BICRAL: variants seen among roughly 807,000 people sequenced by gnomAD.
BICRAL encodes the protein BICRA like chromatin remodeling complex associated protein.
A neutral mutation model predicts 91.8 loss-of-function variants in BICRAL; 8 were observed. That is an observed-to-expected ratio of 0.09 (90% CI 0.05 to 0.16). The LOEUF (loss-of-function observed/expected upper bound fraction) is 0.16. Among genes scored for constraint, BICRAL ranks in the 10% least tolerant of loss-of-function variants. The pLI is 1.00. For synonymous variants in BICRAL, 445 were observed against 491.1 expected (o/e 0.91, Z 1.24); for missense variants, 1,038 against 1,310.9 (o/e 0.79, Z 3.21).
rs776513192 is a variant in BICRAL, at chr6:42,852,276, G to A, written c.1945+79G>A. On this transcript the variant is annotated intron_variant, in intron 7 of 12. Coordinates refer to ENST00000314073, the MANE Select transcript of BICRAL (RefSeq NM_001393499.1). ...CTCACTTTTCTCCCTCATTCTGCAC[G>A]AAAGCTTTCTGGCTTAATCTCGTCT... 1.2e-5 allele frequency: 10 copies of A among 853,972 alleles called. No homozygotes were observed. In the Middle Eastern group the frequency reaches 6.5e-4, roughly 55 times the overall value. 52.9% of individuals were successfully genotyped at this position (853,972 alleles called of 1,614,324 possible).
At chr6:42,791,877 G>A (rs1371047230) in intron 1 of BICRAL, among the ~76,000 whole-genome samples, 2 of 152,092 alleles carry the variant, frequency 1.3e-5, no homozygotes, top group Non-Finnish European at 2.9e-5. Flanking sequence ...GTGCTCTTAC[G>A]CAAACCAATA....
intron 6 of BICRAL, among the ~76,000 whole-genome samples, chr6:42,850,747 G>A (rs187607495): frequency 1.4e-4 from 22 of 151,960 alleles, no homozygotes; most frequent in Admixed American, 1.4e-3. Flanking sequence ...AGCCAGGCAT[G>A]GTGGCACACT....
intron 6 of BICRAL, among the ~76,000 whole-genome samples, chr6:42,847,906 G>C (rs1168947902): frequency 2.6e-5 from 4 of 152,116 alleles, no homozygotes; most frequent in African/African-American, 4.8e-5. Flanking sequence ...GAGGCGGGCG[G>C]ATCATGAGGT....
rs544296193 is a variant in BICRAL, at chr6:42,820,342, C to T, written c.-5-1676C>T. ...AGGATACAGGGGAATTCAATTTAAG[C>T]GGTCATGTTAAAAAAGTAATATCTC... On this transcript the variant is annotated intron_variant, in intron 2 of 12. Coordinates refer to ENST00000314073, the MANE Select transcript of BICRAL (RefSeq NM_001393499.1). Among the ~76,000 whole-genome samples, 22 of 152,182 alleles carry T rather than the reference C, an allele frequency of 1.4e-4. No homozygotes were observed. In the South Asian group the frequency reaches 3.3e-3, roughly 23 times the overall value.
At chr6:42,792,138 G>A (rs554181150) in intron 1 of BICRAL, among the ~76,000 whole-genome samples, 2 of 152,190 alleles carry the variant, frequency 1.3e-5, no homozygotes, top group Non-Finnish European at 2.9e-5. Flanking sequence ...AGTGGTGAAA[G>A]AATGTGAAGG....
intron 1 of BICRAL, among the ~76,000 whole-genome samples, chr6:42,754,317 G>A (rs1260056025): frequency 2.6e-5 from 4 of 151,774 alleles, no homozygotes; most frequent in Non-Finnish European, 4.4e-5. Context: ...GACTACAGGC[G>A]CCCGCCACCA....
At chr6:42,754,978 A>C (rs906686379) in intron 1 of BICRAL, among the ~76,000 whole-genome samples, 19 of 152,342 alleles carry the variant, frequency 1.2e-4, no homozygotes, top group African/African-American at 4.6e-4. Flanking sequence ...TTCTTTATAG[A>C]AAAGGAAAAG....
At chr6:42,840,138 T>C (rs1238852389) in intron 6 of BICRAL, among the ~76,000 whole-genome samples, 1 of 152,168 alleles carries the variant, frequency 6.6e-6, no homozygotes, top group Admixed American at 6.6e-5. Flanking sequence ...TGGGTTCAAG[T>C]GATTCTCCCA....
At chr6:42,785,608 G>A (rs1211272815) in intron 1 of BICRAL, among the ~76,000 whole-genome samples, 3 of 151,418 alleles carry the variant, frequency 2.0e-5, no homozygotes. Flanking sequence ...CAGAAATTGA[G>A]AATAGGGTAG....
In BICRAL at chr6:42,865,471, G is replaced by A. The variant is rs374580; in HGVS notation, c.*25G>A. On this transcript the variant is annotated 3_prime_UTR_variant, in exon 13 of 13. Transcript: ENST00000314073. The stretch of plus-strand genomic sequence containing the variant: ...ATAGCAGCAGTCCTCCCCCTACCCC[G>A]CCCCGAGACCCCACCCCGAGACCCC... 1.6e-5 allele frequency: 19 copies of A among 1,163,272 alleles called. No homozygotes were observed. The highest frequency in any genetic ancestry group is 4.4e-5 in the African/African-American group (2 of 45,578). 72.1% of individuals were successfully genotyped at this position (1,163,272 alleles called of 1,614,324 possible).
chr6:42,801,244 C>T (rs915390555), intron 1 of BICRAL, among the ~76,000 whole-genome samples: 2 of 121,700 alleles, frequency 1.6e-5, no homozygotes, highest in Non-Finnish European at 3.3e-5. Context: ...GAGCGAGACT[C>T]TGTTTAAAAA....
rs1012477656 is a variant in BICRAL, at chr6:42,863,115, C to A, written c.2452+503C>A. ...CCCAGGCTGGAGTTCAGTGGCGGAT[C>A]TTGGCTCACTGCAAGCTCTACCTCC... On this transcript the variant is annotated intron_variant, in intron 12 of 12. Transcript: ENST00000314073. Among the ~76,000 whole-genome samples, 10 of 146,018 alleles carry A rather than the reference C, an allele frequency of 6.8e-5. No homozygotes were observed. In the South Asian group the frequency reaches 1.7e-3, roughly 25 times the overall value.
Position 42,775,097 on chromosome 6 carries a change from T to C in BICRAL, c.-260-6742T>C, listed in dbSNP as rs1156249074. On this transcript the variant is annotated intron_variant, in intron 1 of 14. Coordinates refer to the BICRAL transcript ENST00000614467. The stretch of plus-strand genomic sequence containing the variant: ...ACAGGTGCATGCCACCACACCCAGC[T>C]AAATTTTGTATTTTTGGTAGAGACA... Among the ~76,000 whole-genome samples, 46 of 152,120 alleles carry C rather than the reference T, an allele frequency of 3.0e-4. 1 individual carries two copies. The highest frequency in any genetic ancestry group is 3.0e-3 in the Admixed American group (46 of 15,254).
intron 6 of BICRAL, among the ~76,000 whole-genome samples, chr6:42,849,083 G>T (rs1449629665): frequency 6.6e-6 from 1 of 152,148 alleles, no homozygotes; most frequent in African/African-American, 2.4e-5. Context: ...GTTAGTGGAA[G>T]AATGAAAAAG....
chr6:42,790,330 A>ATTTTTTTTT (rs70990136), intron 1 of BICRAL, among the ~76,000 whole-genome samples: 9 of 87,820 alleles, frequency 1.0e-4, no homozygotes, highest in Non-Finnish European at 1.4e-4. Context: ...AGATAATTTA[A>ATTTTTTTTT]TTTTTTTTTT....
At chr6:42,769,739 A>G (rs571146361) in intron 1 of BICRAL, among the ~76,000 whole-genome samples, 3 of 152,202 alleles carry the variant, frequency 2.0e-5, no homozygotes, top group African/African-American at 4.8e-5. Flanking sequence ...ATCTGTTCAT[A>G]GCATTCTCTT....
At chr6:42,778,405 C>T (rs183228283), upstream of BICRAL, among the ~76,000 whole-genome samples, 1 of 152,274 alleles carries the variant, frequency 6.6e-6, no homozygotes, top group African/African-American at 2.4e-5. Context: ...TTGGGAACCT[C>T]ATTTACAAAA....
At chr6:42,760,163 G>A (rs1159346827) in intron 1 of BICRAL, among the ~76,000 whole-genome samples, 1 of 152,004 alleles carries the variant, frequency 6.6e-6, no homozygotes, top group East Asian at 1.9e-4. Flanking sequence ...GAGAATCACT[G>A]AACCTGGGAG....
At chr6:42,845,975 G>A (rs966843768) in intron 6 of BICRAL, among the ~76,000 whole-genome samples, 1 of 148,790 alleles carries the variant, frequency 6.7e-6, no homozygotes, top group Non-Finnish European at 1.5e-5. Flanking sequence ...GGAGGCTGAG[G>A]CAGGAGAATG....
Sources: allele counts gnomAD v4.1 joint callset (sites outside exome capture counted in the v4.1 genomes callset), GRCh38; gene constraint gnomAD v4.1.1; transcripts MANE v1.5; gene names NCBI Gene and HGNC (gene_info 2026-07-23, HGNC 2026-07-21).